The following CC2D1A variants were observed in gnomAD, a reference collection of about 807,000 sequenced individuals.
The protein encoded by CC2D1A is coiled-coil and C2 domain containing 1A, also known as coiled-coil and C2 domain-containing protein 1A.
In CC2D1A, 68 loss-of-function variants were observed where a neutral mutation model predicts 123.8. The ratio of observed to expected loss-of-function variants is 0.55; its 90% CI spans 0.45 to 0.67. The LOEUF (loss-of-function observed/expected upper bound fraction) is 0.67. CC2D1A is among the 30% of genes least tolerant of loss of function. CC2D1A has a pLI of 0.00. For missense variants in CC2D1A, 1,185 were observed against 1,290.3 expected, an observed-to-expected ratio of 0.92 and a Z score of 1.25; for synonymous variants, 477 against 528.0, an observed-to-expected ratio of 0.90 and a Z score of 1.32.
intron 17 of CC2D1A, among the ~76,000 whole-genome samples, chr19:13,926,045 C>CGTATATATATGTGTATATATATATATAT (rs1568419032): frequency 0.15 from 16,151 of 107,684 alleles, 1,877 homozygotes; most frequent in East Asian, 0.27. Context: ...TATATATATA[C>CGTATATATATGTGTATATATATATATAT]ACGTATATAT....
intron 17 of CC2D1A, among the ~76,000 whole-genome samples, chr19:13,925,006 C>T (rs1036983973): frequency 1.3e-5 from 2 of 152,160 alleles, no homozygotes; most frequent in Non-Finnish European, 2.9e-5. Context: ...ATTTCTTCCG[C>T]CTTCACCCTC....
intron 1 of CC2D1A, among the ~76,000 whole-genome samples, chr19:13,909,332 C>T (rs1049953358): frequency 6.6e-6 from 1 of 151,656 alleles, no homozygotes; most frequent in Admixed American, 6.6e-5. Context: ...GCTGAGACTG[C>T]ACCACTGCAC....
chr19:13,919,027 C>A lies in CC2D1A; in HGVS notation c.1134C>A (p.His378Gln). ...SKGDQRKARM[H>Q]ERIVKQYQDA... ...GGGACCAGCGGAAAGCTCGAATGCACGAGCGCATCGTCAAGGTGCCCTGGG... is the reference window on the plus strand; with the variant it reads ...GGGACCAGCGGAAAGCTCGAATGCAAGAGCGCATCGTCAAGGTGCCCTGGG... Residue 378 changes from histidine to glutamine, a missense_variant, in exon 10 of 29, where the codon CAC becomes CAA. Coordinates refer to ENST00000318003, the MANE Select transcript of CC2D1A (RefSeq NM_017721.5). The A allele has an allele frequency of 6.2e-7, 1 of 1,606,974 alleles. No homozygotes were observed. Among genetic ancestry groups the A allele is most frequent in the Non-Finnish European group, 8.5e-7 (1 of 1,176,504 alleles).
At chr19:13,910,894 G>C (rs886228783) in intron 2 of CC2D1A, among the ~76,000 whole-genome samples, 7 of 152,076 alleles carry the variant, frequency 4.6e-5, no homozygotes, top group African/African-American at 1.7e-4. Context: ...CTGGGTGACA[G>C]AGCAAGATCC....
rs547939693 is a variant in CC2D1A, at chr19:13,929,714, G to C, written c.2710+54G>C. Reference sequence around the variant, plus strand: ...GGGGAGGAGCTCCAGGATAGGCATGGGGGGGGAGGTGCTCAGGGATGCATA... The same window carrying C: ...GGGGAGGAGCTCCAGGATAGGCATGCGGGGGGAGGTGCTCAGGGATGCATA... On this transcript the variant is annotated intron_variant, in intron 26 of 28. Coordinates refer to ENST00000318003, the MANE Select transcript of CC2D1A (RefSeq NM_017721.5). 3.9e-5 allele frequency: 48 copies of C among 1,243,746 alleles called. No homozygotes were observed. In the African/African-American group the frequency reaches 8.1e-4, roughly 21 times the overall value. 77.0% of individuals were successfully genotyped at this position (1,243,746 alleles called of 1,614,324 possible).
In CC2D1A at chr19:13,913,529, G is replaced by T. The variant is rs1339453168; in HGVS notation, c.639G>T (p.Gln213His). ...CTACCTACAGCCCTGCACCCACCCAGCCGGCCCCTAGAATCGCGTCAGCCC... is the reference window on the plus strand; with the variant it reads ...CTACCTACAGCCCTGCACCCACCCATCCGGCCCCTAGAATCGCGTCAGCCC... Reference protein sequence around the residue: ...STPTYSPAPTQPAPRIASAPE... With the variant: ...STPTYSPAPTHPAPRIASAPE... The change falls in exon 6 of 29, where the codon CAG becomes CAT. Residue 213 changes from glutamine to histidine, a missense_variant. Physicochemically the swap from Gln to His is conservative, Grantham distance 24. Coordinates refer to ENST00000318003, the MANE Select transcript of CC2D1A (RefSeq NM_017721.5). 3 of 1,614,138 alleles carry T rather than the reference G, an allele frequency of 1.9e-6. No homozygotes were observed. Among genetic ancestry groups the T allele is most frequent in the Non-Finnish European group, 2.5e-6 (3 of 1,180,046 alleles).
Position 13,927,948 on chromosome 19 carries a change from G to A in CC2D1A, c.2372G>A (p.Arg791Gln), listed in dbSNP as rs200354654. The A allele has an allele frequency of 2.5e-4, 396 of 1,613,624 alleles. 2 individuals are homozygous for A. The African/African-American group carries it at 4.4e-3, about 18-fold the overall frequency. Residue 791 changes from arginine to glutamine, a missense_variant, in exon 23 of 29, where the codon CGG becomes CAG. Coordinates refer to ENST00000318003, the MANE Select transcript of CC2D1A (RefSeq NM_017721.5). ...GGRLEVMVRI[R>Q]EPLTAQQLET... Reference sequence around the variant, plus strand: ...CGACTGGAGGTAATGGTCCGGATTCGGGAGCCACTGACAGCCCAGCAGTTG... The same window carrying A: ...CGACTGGAGGTAATGGTCCGGATTCAGGAGCCACTGACAGCCCAGCAGTTG...
chr19:13,917,502 G>T (rs1971247662), intron 6 of CC2D1A, among the ~76,000 whole-genome samples: 1 of 152,158 alleles, frequency 6.6e-6, no homozygotes, highest in Admixed American at 6.5e-5. Flanking sequence ...ATCCTACTTT[G>T]GGAGGCCAAG....
chr19:13,908,195 G>A (rs759755327), intron 1 of CC2D1A, among the ~76,000 whole-genome samples: 2 of 152,000 alleles, frequency 1.3e-5, no homozygotes, highest in Non-Finnish European at 2.9e-5. Flanking sequence ...TAGTAGAGAC[G>A]GGGTTTCTCC....
intron 17 of CC2D1A, among the ~76,000 whole-genome samples, chr19:13,924,565 G>A (rs1971526796): frequency 6.7e-6 from 1 of 149,096 alleles, no homozygotes; most frequent in Non-Finnish European, 1.5e-5. Context: ...TGCCTCCCAG[G>A]TTCAAGCAAT....
chr19:13,929,150 C>T (rs1398144321), intron 24 of CC2D1A, among the ~76,000 whole-genome samples: 2 of 151,566 alleles, frequency 1.3e-5, no homozygotes, highest in Non-Finnish European at 2.9e-5. Flanking sequence ...ACTACAGGAG[C>T]ACACCACCAT....
Position 13,927,887 on chromosome 19 carries a change from A to C in CC2D1A, c.2317-6A>C, listed in dbSNP as rs1971702726. On this transcript the variant is annotated splice_region_variant and splice_polypyrimidine_tract_variant and intron_variant, in intron 22 of 28. Coordinates refer to ENST00000318003, the MANE Select transcript of CC2D1A (RefSeq NM_017721.5). ...CCACCAACAGTTTCTCCTTACCCCCACCCAGGTCCTGGATGGTCGCCGGCC... is the reference window on the plus strand; with the variant it reads ...CCACCAACAGTTTCTCCTTACCCCCCCCCAGGTCCTGGATGGTCGCCGGCC... The C allele has an allele frequency of 2.5e-6, 4 of 1,607,594 alleles. No individual in the cohort carries two copies. The highest frequency in any genetic ancestry group is 2.7e-5 in the African/African-American group (2 of 73,094).
At chr19:13,926,043 TACAC>T (rs756918934) in intron 17 of CC2D1A, among the ~76,000 whole-genome samples, 1 of 72,660 alleles carries the variant, frequency 1.4e-5, no homozygotes, top group South Asian at 4.6e-4. Context: ...TATATATATA[TACAC>T]GTATATATAT....
At position 13,911,865 on chromosome 19, in the gene CC2D1A, G is replaced by A. The variant is rs190476736; in HGVS notation, c.197-458G>A. On this transcript the variant is annotated intron_variant, in intron 2 of 28. Coordinates refer to ENST00000318003, the MANE Select transcript of CC2D1A (RefSeq NM_017721.5). ...CGAGTAGCTGGGACCACAGGCGCCC[G>A]CCAGCATGCCTGGCTAATTTTTTGT... Among the ~76,000 whole-genome samples the A allele has an allele frequency of 2.8e-3, 430 of 152,138 alleles. 2 individuals are homozygous for A. Among genetic ancestry groups the A allele is most frequent in the African/African-American group, 9.8e-3 (408 of 41,532 alleles).
At chr19:13,911,491 CACAG>C (rs1970993703) in intron 2 of CC2D1A, among the ~76,000 whole-genome samples, 1 of 151,390 alleles carries the variant, frequency 6.6e-6, no homozygotes, top group Non-Finnish European at 1.5e-5. Context: ...CCGAAGTTCT[CACAG>C]AGAGAAAGTT....
rs1375722261 is a variant in CC2D1A, at chr19:13,923,288, C to T, written c.1642-45C>T. ...ACATTTCTGCAGAGCCCTAGGTGGG[C>T]CTGCTTGTCCTCCTTACCCCCGCCA... On this transcript the variant is annotated intron_variant, in intron 14 of 28. Transcript: ENST00000318003. The surrounding 1 kb of genome is among the most constrained non-coding windows in gnomAD (Gnocchi z 5.3). 3 of 1,571,056 alleles carry T rather than the reference C, an allele frequency of 1.9e-6. No homozygotes were observed. Among genetic ancestry groups the T allele is most frequent in the Non-Finnish European group, 1.7e-6 (2 of 1,165,984 alleles).
chr19:13,919,644 CTCCA>C (rs1971338509), intron 11 of CC2D1A, 170 bp from the exon 12 acceptor site: 3 of 524,370 alleles, frequency 5.7e-6, no homozygotes, highest in Non-Finnish European at 9.3e-6. Flanking sequence ...TGCCACTGTA[CTCCA>C]GCCTGGGCAA....
At position 13,906,573 on chromosome 19, in the gene CC2D1A, AC is replaced by A. The variant is rs1970745350; in HGVS notation, c.60+78del. The A allele has an allele frequency of 2.2e-5, 22 of 1,002,496 alleles. No homozygotes were observed. Among genetic ancestry groups the A allele is most frequent in the South Asian group, 1.3e-4 (7 of 55,008 alleles). The allele number at this position is 1,002,496 out of a possible 1,614,324, so 62.1% of individuals were successfully genotyped here. A position where few individuals can be genotyped will look rare whatever the true frequency, so the allele number is the denominator to read the frequency against. ...CGTCACTCGCTCAGGGAAGGGCCCC[AC>A]CCCCCAGGGAAGCCCGATCTCCGCC... On this transcript the variant is annotated intron_variant, in intron 1 of 28. Coordinates refer to ENST00000318003, the MANE Select transcript of CC2D1A (RefSeq NM_017721.5). This position sits in a 1 kb window ranked among gnomAD's most constrained non-coding sequence, Gnocchi z 4.1.
chr19:13,924,984 T>G (rs1971542131), intron 17 of CC2D1A, among the ~76,000 whole-genome samples: 2 of 152,120 alleles, frequency 1.3e-5, no homozygotes, highest in Non-Finnish European at 2.9e-5. Context: ...ACCCCAAGCC[T>G]CTGCATCAGC....
Sources: allele counts gnomAD v4.1 joint callset (sites outside exome capture counted in the v4.1 genomes callset), GRCh38; gene constraint gnomAD v4.1.1; non-coding constraint Gnocchi (gnomAD v3.1); transcripts MANE v1.5; gene names NCBI Gene and HGNC (gene_info 2026-07-23, HGNC 2026-07-21).